Variants in ATG10 observed in about 807,000 individuals in gnomAD.
The protein encoded by ATG10 is autophagy related 10.
Under a neutral mutation model 32.1 loss-of-function variants are expected in ATG10, and 30 were observed. The ratio of observed to expected loss-of-function variants is 0.94; its 90% CI spans 0.70 to 1.27. The LOEUF is 1.27. Among genes scored for constraint, ATG10 ranks in the 50% most tolerant of loss-of-function variants. The pLI is 0.00. For synonymous variants in ATG10, 87 were observed against 91.5 expected, an observed-to-expected ratio of 0.95 and a Z score of 0.28; for missense variants, 233 against 262.3, an observed-to-expected ratio of 0.89 and a Z score of 0.77.
At chr5:82,116,779 C>G (rs549084027) in intron 3 of ATG10, among the ~76,000 whole-genome samples, 259 of 152,182 alleles carry the variant, frequency 1.7e-3, no homozygotes, top group African/African-American at 6.0e-3. Flanking sequence ...AAGGGAAGAT[C>G]TGAGAGAATG....
At chr5:82,189,050 T>A (rs1383085618) in intron 5 of ATG10, among the ~76,000 whole-genome samples, 2 of 152,210 alleles carry the variant, frequency 1.3e-5, no homozygotes, top group Non-Finnish European at 2.9e-5. Flanking sequence ...GCCAGTTACA[T>A]TTTTTTGTAA....
At chr5:81,976,795 C>T (rs573998797) in intron 1 of ATG10, among the ~76,000 whole-genome samples, 3 of 152,276 alleles carry the variant, frequency 2.0e-5, no homozygotes, top group East Asian at 3.9e-4. Flanking sequence ...TCATGGTCAT[C>T]GCCAAGGTCT....
intron 3 of ATG10, among the ~76,000 whole-genome samples, chr5:82,080,702 A>G (rs1375340225): frequency 4.6e-5 from 7 of 152,048 alleles, no homozygotes; most frequent in East Asian, 1.9e-4. Context: ...TGAGGGCTCT[A>G]TTCTGTTCCA....
intron 2 of ATG10, among the ~76,000 whole-genome samples, chr5:82,015,927 G>C (rs980470605): frequency 2.0e-5 from 3 of 152,114 alleles, no homozygotes; most frequent in Non-Finnish European, 4.4e-5. Context: ...CAGTTTTTCT[G>C]TGCTGTTTTT....
chr5:82,229,970 A>G (rs781689066), intron 5 of ATG10, among the ~76,000 whole-genome samples: 2 of 152,200 alleles, frequency 1.3e-5, no homozygotes, highest in Non-Finnish European at 2.9e-5. Context: ...TTGAAAAGTT[A>G]CTGATCCCTG....
chr5:82,252,706 A>T (rs376331749), intron 6 of ATG10, 47 bp downstream of exon 6: 1 of 1,130,940 alleles, frequency 8.8e-7, no homozygotes, highest in Non-Finnish European at 1.3e-6. Flanking sequence ...TGATTTTAAA[A>T]GTGTAAATCT....
Position 82,176,491 on chromosome 5 carries a change from G to A in ATG10, c.356-1999G>A, listed in dbSNP as rs188365059. On this transcript the variant is annotated intron_variant, in intron 4 of 7. Transcript: ENST00000282185. ...GTAAAAATTATTTTAAAAGCATGTCGTTCTGTAATTTGATTAGTTTACTAT... is the reference window on the plus strand; with the variant it reads ...GTAAAAATTATTTTAAAAGCATGTCATTCTGTAATTTGATTAGTTTACTAT... Among the ~76,000 whole-genome samples the A allele has an allele frequency of 2.3e-4, 35 of 152,142 alleles. 1 individual carries two copies. The highest frequency in any genetic ancestry group is 1.6e-3 in the Admixed American group (24 of 15,282).
chr5:82,165,358 A>G (rs886683491), intron 4 of ATG10, among the ~76,000 whole-genome samples: 1 of 152,268 alleles, frequency 6.6e-6, no homozygotes, highest in Non-Finnish European at 1.5e-5. Flanking sequence ...TAGCTAAGAC[A>G]TCTGAATTTA....
chr5:81,991,631 TA>T (rs1232443197), intron 2 of ATG10, among the ~76,000 whole-genome samples: 1 of 151,854 alleles, frequency 6.6e-6, no homozygotes. Context: ...CTTTCTCTAC[TA>T]AAAATACAAA....
At chr5:82,025,848 G>T (rs1456224004) in intron 2 of ATG10, among the ~76,000 whole-genome samples, 1 of 152,046 alleles carries the variant, frequency 6.6e-6, no homozygotes, top group Non-Finnish European at 1.5e-5. Flanking sequence ...AATCATCCCA[G>T]TACATTTGAT....
At chr5:82,094,076 A>T (rs934129523) in intron 3 of ATG10, among the ~76,000 whole-genome samples, 1 of 152,050 alleles carries the variant, frequency 6.6e-6, no homozygotes, top group Admixed American at 6.6e-5. Context: ...TTATTTTTCT[A>T]TGCTGCTCTC....
intron 5 of ATG10, among the ~76,000 whole-genome samples, chr5:82,221,278 C>A (rs1379331108): frequency 6.6e-6 from 1 of 152,160 alleles, no homozygotes; most frequent in Non-Finnish European, 1.5e-5. Context: ...CAAGGCATCT[C>A]TCTCCTACTG....
rs562973863 is a variant in ATG10 at position 82,053,802 on chromosome 5, G to A, written c.109-4693G>A. Among the ~76,000 whole-genome samples, 293 of 152,284 alleles carry A rather than the reference G, an allele frequency of 1.9e-3. 1 individual carries two copies. The highest frequency in any genetic ancestry group is 2.0e-3 in the Non-Finnish European group (133 of 68,010). The stretch of plus-strand genomic sequence containing the variant: ...TAATAGCTGAAGTGTAGTTGGACTT[G>A]GAGCAATTTTAAGTTACAAGACTAC... On this transcript the variant is annotated intron_variant, in intron 2 of 7. Coordinates refer to ENST00000282185, the MANE Select transcript of ATG10 (RefSeq NM_031482.5).
chr5:82,197,720 T>TTCTTTCTATCTA (rs754765531), intron 5 of ATG10, among the ~76,000 whole-genome samples: 32 of 143,934 alleles, frequency 2.2e-4, no homozygotes, highest in East Asian at 1.6e-3. Context: ...CTTTCTTTCT[T>TTCTTTCTATCTA]TCTATCTATC....
rs1389013400 is a variant in ATG10 at position 82,189,309 on chromosome 5, T to C, written c.453+10722T>C. On this transcript the variant is annotated intron_variant, in intron 5 of 7. Coordinates refer to ENST00000282185, the MANE Select transcript of ATG10 (RefSeq NM_031482.5). ...ATAACAAATAACAAGGGAGAGCCAATTAAATACATTGCTTTCATTCTGTTA... is the reference window on the plus strand; with the variant it reads ...ATAACAAATAACAAGGGAGAGCCAACTAAATACATTGCTTTCATTCTGTTA... 2.0e-5 allele frequency among the ~76,000 whole-genome samples: 3 copies of C among 152,334 alleles called. No homozygotes were observed. In the East Asian group the frequency reaches 5.8e-4, roughly 29 times the overall value.
At chr5:82,238,851 A>G (rs749974951) in intron 5 of ATG10, among the ~76,000 whole-genome samples, 3 of 152,192 alleles carry the variant, frequency 2.0e-5, no homozygotes, top group Non-Finnish European at 4.4e-5. Context: ...AGTCTGGGTA[A>G]CATACCTTAG....
chr5:81,990,895 T>C (rs1327223802), intron 2 of ATG10, among the ~76,000 whole-genome samples: 1 of 152,186 alleles, frequency 6.6e-6, no homozygotes, highest in Non-Finnish European at 1.5e-5. Flanking sequence ...GGTGGAGAGA[T>C]CTCTGGATTT....
At chr5:82,080,096 T>G (rs183030669) in intron 3 of ATG10, among the ~76,000 whole-genome samples, 4,590 of 152,330 alleles carry the variant, frequency 0.03, 101 homozygotes, top group Middle Eastern at 0.051. Context: ...TGGTTTTGAT[T>G]TGCATTTATC....
intron 3 of ATG10, among the ~76,000 whole-genome samples, chr5:82,090,893 A>T (rs1291706228): frequency 6.6e-6 from 1 of 152,218 alleles, no homozygotes; most frequent in Non-Finnish European, 1.5e-5. Context: ...TTTAAAGCTG[A>T]TAACTAGGAG....
Sources: gnomAD v4.1 joint callset for allele counts (sites outside exome capture counted in the v4.1 genomes callset) on GRCh38, gnomAD v4.1.1 for gene constraint, MANE v1.5 for transcripts, NCBI Gene and HGNC (gene_info 2026-07-23, HGNC 2026-07-21) for gene names.